SGSM1: variants seen among roughly 807,000 people sequenced by gnomAD.
SGSM1 encodes RUN and TBC1 domain containing 2.
Under a neutral mutation model 133.8 loss-of-function variants are expected in SGSM1, and 73 were observed. The observed-to-expected ratio is 0.55, with a 90% CI of 0.45 to 0.66. The LOEUF is 0.66. SGSM1 is among the 30% of genes least tolerant of loss of function. SGSM1 has a pLI of 0.00. For missense variants in SGSM1, 1,213 were observed against 1,448.1 expected (o/e 0.84, Z 2.64); for synonymous variants, 563 against 573.0 (o/e 0.98, Z 0.25).
chr22:24,830,092 A>G (rs1162951490), intron 2 of SGSM1, among the ~76,000 whole-genome samples: 3 of 152,000 alleles, frequency 2.0e-5, no homozygotes, highest in Admixed American at 1.3e-4. Flanking sequence ...CATGGAGACA[A>G]TGCCCTCTTC....
intron 2 of SGSM1, among the ~76,000 whole-genome samples, chr22:24,835,747 C>G (rs953015527): frequency 3.3e-5 from 5 of 151,680 alleles, no homozygotes; most frequent in East Asian, 3.9e-4. Flanking sequence ...GTGTGTAGAG[C>G]AGGTGTTGGG....
Position 24,868,713 on chromosome 22 carries a change from GT to G in SGSM1, c.1159-5del. 1 of 1,613,730 alleles carries G rather than the reference GT, an allele frequency of 6.2e-7. No individual in the cohort carries two copies. Among genetic ancestry groups the G allele is most frequent in the Non-Finnish European group, 8.5e-7 (1 of 1,179,684 alleles). On this transcript the variant is annotated splice_polypyrimidine_tract_variant and intron_variant, in intron 11 of 24. Coordinates refer to ENST00000400358, the MANE Select transcript of SGSM1 (RefSeq NM_001098497.3). The stretch of plus-strand genomic sequence containing the variant: ...TCCCAAGGACCTTGTTTTGGGACAT[GT>G]TTTTGCAGGGCAAAGTGTTTCCTAA...
Position 24,822,425 on chromosome 22 carries a change from C to T in SGSM1, c.63+15941C>T, listed in dbSNP as rs1928539129. Among the ~76,000 whole-genome samples the T allele has an allele frequency of 2.0e-5, 3 of 152,084 alleles. No individual in the cohort carries two copies. In the South Asian group the frequency reaches 6.2e-4, roughly 32 times the overall value. Reference sequence around the variant, plus strand: ...CTTTTCTTTCCAACCCCTGGCAGCCCCTGATCTTTTCACATCTCCATAGTT... The same window carrying T: ...CTTTTCTTTCCAACCCCTGGCAGCCTCTGATCTTTTCACATCTCCATAGTT... On this transcript the variant is annotated intron_variant, in intron 2 of 24. Coordinates refer to ENST00000400358, the MANE Select transcript of SGSM1 (RefSeq NM_001098497.3).
At chr22:24,921,680 T>C (rs1934012228) in intron 24 of SGSM1, among the ~76,000 whole-genome samples, 1 of 151,420 alleles carries the variant, frequency 6.6e-6, no homozygotes, top group Non-Finnish European at 1.5e-5. Context: ...TTAGAAGCCA[T>C]TGAAAAAATA....
intron 16 of SGSM1, among the ~76,000 whole-genome samples, chr22:24,888,599 C>G (rs1489005934): frequency 6.6e-6 from 1 of 152,044 alleles, no homozygotes; most frequent in East Asian, 1.9e-4. Context: ...AAAACCCCAT[C>G]TCTACTAAAA....
intron 16 of SGSM1, among the ~76,000 whole-genome samples, chr22:24,887,875 A>G (rs187870946): frequency 2.0e-5 from 3 of 152,210 alleles, no homozygotes; most frequent in Admixed American, 1.3e-4. Context: ...TCTTGTCACT[A>G]TTTTTTATTT....
chr22:24,835,664 A>T (rs79263584), intron 2 of SGSM1, among the ~76,000 whole-genome samples: 1,722 of 152,150 alleles, frequency 0.011, 39 homozygotes, highest in African/African-American at 0.04. Context: ...ATTCCAGGCA[A>T]AGGGAACAGG....
chr22:24,921,144 C>CG (rs1933992829), intron 24 of SGSM1, among the ~76,000 whole-genome samples: 6 of 151,626 alleles, frequency 4.0e-5, no homozygotes. Flanking sequence ...CTGTTACCCG[C>CG]GCTGGAGTGA....
At position 24,874,540 on chromosome 22, in the gene SGSM1, A is replaced by G. The variant is rs763875141; in HGVS notation, c.1292-2037A>G. The G allele has an allele frequency of 4.3e-5, 69 of 1,611,278 alleles. 1 individual carries two copies. The South Asian group carries it at 7.4e-4, about 17-fold the overall frequency. ...TCAGTGGGAGCCAGCCAGATGGGAC[A>G]CTACTCTCCCCACGCCAAGCCCGAA... On this transcript the variant is annotated intron_variant, in intron 12 of 24. Transcript: ENST00000400358.
intron 2 of SGSM1, among the ~76,000 whole-genome samples, chr22:24,808,808 T>C (rs1914795012): frequency 1.3e-5 from 2 of 152,132 alleles, no homozygotes; most frequent in Non-Finnish European, 2.9e-5. Flanking sequence ...GTTTGGGTCT[T>C]GGGCTCAAAG....
chr22:24,859,425 T>G (rs1418868659), intron 8 of SGSM1, among the ~76,000 whole-genome samples: 2 of 152,122 alleles, frequency 1.3e-5, no homozygotes, highest in Non-Finnish European at 2.9e-5. Flanking sequence ...TGAAGGAACC[T>G]GGGGTCAGGG....
intron 2 of SGSM1, among the ~76,000 whole-genome samples, chr22:24,837,589 CCCTT>C (rs1929527695): frequency 9.2e-6 from 1 of 108,142 alleles, no homozygotes; most frequent in African/African-American, 3.5e-5. Context: ...CCCCCCCCCC[CCCTT>C]TCCCAGTCTG....
intron 2 of SGSM1, among the ~76,000 whole-genome samples, chr22:24,826,478 A>G (rs1011351260): frequency 8.5e-5 from 13 of 152,222 alleles, no homozygotes; most frequent in African/African-American, 3.1e-4. Flanking sequence ...CTCAGTAAGC[A>G]TTAGCTGCTG....
chr22:24,906,609 A>G (rs941346738), intron 21 of SGSM1, among the ~76,000 whole-genome samples: 1 of 152,188 alleles, frequency 6.6e-6, no homozygotes, highest in African/African-American at 2.4e-5. Flanking sequence ...GAAATTAGGA[A>G]AACAATTTTA....
chr22:24,828,539 T>G (rs1928923380), intron 2 of SGSM1, among the ~76,000 whole-genome samples: 1 of 152,060 alleles, frequency 6.6e-6, no homozygotes, highest in African/African-American at 2.4e-5. Flanking sequence ...GTTAGAGAAA[T>G]GCAAATCAGA....
chr22:24,830,577 G>A (rs1039348353), intron 2 of SGSM1, among the ~76,000 whole-genome samples: 6 of 152,196 alleles, frequency 3.9e-5, no homozygotes, highest in Non-Finnish European at 7.3e-5. Flanking sequence ...GTGGGTGGGA[G>A]GAAGGATGCT....
chr22:24,840,964 C>T lies in SGSM1; in HGVS notation c.64-3933C>T, dbSNP rs1056294363. ...CACCCGGGTTCACACCATTCTCTTG[C>T]CTCAGCCTCTCGAGTAGCTGGGACT... On this transcript the variant is annotated intron_variant, in intron 2 of 24. Transcript: ENST00000400358. Among the ~76,000 whole-genome samples the T allele has an allele frequency of 8.5e-5, 13 of 152,304 alleles. No individual in the cohort carries two copies. In the South Asian group the frequency reaches 2.7e-3, roughly 32 times the overall value.
intron 2 of SGSM1, among the ~76,000 whole-genome samples, chr22:24,817,870 G>A (rs1928200676): frequency 6.6e-6 from 1 of 152,180 alleles, no homozygotes; most frequent in Non-Finnish European, 1.5e-5. Flanking sequence ...TTTGCACACT[G>A]CAGACTTTTA....
intron 2 of SGSM1, among the ~76,000 whole-genome samples, chr22:24,828,726 A>G (rs950268226): frequency 1.0e-4 from 16 of 152,394 alleles, no homozygotes; most frequent in African/African-American, 3.6e-4. Flanking sequence ...ATTACTGGGT[A>G]TATAACCAAA....
Sources: allele counts gnomAD v4.1 joint callset (sites outside exome capture counted in the v4.1 genomes callset), GRCh38; gene constraint gnomAD v4.1.1; transcripts MANE v1.5; gene names NCBI Gene and HGNC (gene_info 2026-07-23, HGNC 2026-07-21).